The following DTNB variants were observed in gnomAD, a reference collection of about 807,000 sequenced individuals.
The protein encoded by DTNB is dystrobrevin beta.
In DTNB, 63 loss-of-function variants were observed where a neutral mutation model predicts 90.7. That is an observed-to-expected ratio of 0.69 (90% CI 0.57 to 0.86). DTNB has a LOEUF of 0.86. Ranked by LOEUF, DTNB falls within the 40% of genes least tolerant of loss-of-function variation. The pLI, the probability that DTNB is intolerant of heterozygous loss-of-function variation, is 0.00. For synonymous variants in DTNB, 277 were observed against 286.7 expected (o/e 0.97, Z 0.34); for missense variants, 744 against 807.1 (o/e 0.92, Z 0.95).
chr2:25,518,200 TA>T (rs1044370899), intron 9 of DTNB, among the ~76,000 whole-genome samples: 16 of 132,882 alleles, frequency 1.2e-4, no homozygotes, highest in South Asian at 4.5e-4. Flanking sequence ...AATTTTATAT[TA>T]TTTTTTTATC....
At position 25,434,515 on chromosome 2, in the gene DTNB, T is replaced by C. The variant is rs72849891; in HGVS notation, c.1258-520A>G. 2.8e-3 allele frequency among the ~76,000 whole-genome samples: 423 copies of C among 150,468 alleles called. 1 individual carries two copies. Among genetic ancestry groups the C allele is most frequent in the African/African-American group, 9.7e-3 (395 of 40,852 alleles). ...ACTCTTGAACTCCTGGGCTCTCACCTTGGCCTCTGAGTAGATGGGACTAAA... is the reference window on the plus strand; with the variant it reads ...ACTCTTGAACTCCTGGGCTCTCACCCTGGCCTCTGAGTAGATGGGACTAAA... On this transcript the variant is annotated intron_variant, in intron 12 of 20. Transcript: ENST00000406818.
chr2:25,655,121 G>A (rs1308214289), intron 1 of DTNB, among the ~76,000 whole-genome samples: 1 of 152,212 alleles, frequency 6.6e-6, no homozygotes, highest in Non-Finnish European at 1.5e-5. Flanking sequence ...TTCTTTGCCT[G>A]AAGACAGACT....
At chr2:25,541,128 G>A (rs1310125379) in intron 8 of DTNB, among the ~76,000 whole-genome samples, 1 of 151,744 alleles carries the variant, frequency 6.6e-6, no homozygotes, top group Non-Finnish European at 1.5e-5. Flanking sequence ...ACAAGGTTGA[G>A]GCAAGTTCTA....
At chr2:25,472,782 G>A (rs1234531040) in intron 10 of DTNB, among the ~76,000 whole-genome samples, 1 of 152,226 alleles carries the variant, frequency 6.6e-6, no homozygotes, top group Non-Finnish European at 1.5e-5. Flanking sequence ...TACTCAGGAG[G>A]ATGAGGCAGG....
At chr2:25,605,505 C>T (rs1354793316) in intron 5 of DTNB, among the ~76,000 whole-genome samples, 7 of 152,154 alleles carry the variant, frequency 4.6e-5, no homozygotes, top group Non-Finnish European at 1.0e-4. Flanking sequence ...AGTTATAACG[C>T]AGAACTGGAG....
intron 4 of DTNB, among the ~76,000 whole-genome samples, chr2:25,615,695 G>C (rs1230703799): frequency 6.6e-6 from 1 of 152,082 alleles, no homozygotes; most frequent in South Asian, 2.1e-4. Context: ...AAATTACAAG[G>C]GTCTCAGGGG....
At chr2:25,507,353 C>A (rs1386024115) in intron 9 of DTNB, among the ~76,000 whole-genome samples, 2 of 152,158 alleles carry the variant, frequency 1.3e-5, no homozygotes, top group African/African-American at 4.8e-5. Flanking sequence ...GTTACACACC[C>A]CCACTCCAGA....
chr2:25,500,425 C>T (rs2070286453), intron 9 of DTNB, among the ~76,000 whole-genome samples: 1 of 152,194 alleles, frequency 6.6e-6, no homozygotes, highest in African/African-American at 2.4e-5. Flanking sequence ...CAGCGCTCCT[C>T]ATGCGTACTA....
At chr2:25,556,229 C>G (rs1326059402) in intron 8 of DTNB, among the ~76,000 whole-genome samples, 1 of 126,252 alleles carries the variant, frequency 7.9e-6, no homozygotes, top group Admixed American at 8.9e-5. Context: ...CTCTATGATA[C>G]TCTCCTACAA....
intron 16 of DTNB, among the ~76,000 whole-genome samples, chr2:25,402,549 T>C (rs2044000969): frequency 8.1e-6 from 1 of 123,134 alleles, no homozygotes; most frequent in East Asian, 3.0e-4. Context: ...AAGAGTTTTA[T>C]GAAGTCTCTC....
chr2:25,605,681 T>C (rs1474124706), intron 5 of DTNB, among the ~76,000 whole-genome samples: 2 of 152,212 alleles, frequency 1.3e-5, no homozygotes, highest in Non-Finnish European at 2.9e-5. Flanking sequence ...TTTCTACTAC[T>C]GTATTTTTCA....
At chr2:25,410,604 G>A (rs990498912) in intron 16 of DTNB, among the ~76,000 whole-genome samples, 10 of 152,250 alleles carry the variant, frequency 6.6e-5, no homozygotes, top group South Asian at 4.1e-4. Context: ...AAAATAACTC[G>A]GGGAAGTCTG....
At chr2:25,439,273 G>A (rs965954357) in intron 12 of DTNB, among the ~76,000 whole-genome samples, 5 of 152,168 alleles carry the variant, frequency 3.3e-5, no homozygotes, top group African/African-American at 1.2e-4. Flanking sequence ...GACAGAGGTG[G>A]GAGGTCATTT....
In DTNB at chr2:25,613,278, C is replaced by T. The variant is rs1004007043; in HGVS notation, c.363-5957G>A. 3.9e-5 allele frequency among the ~76,000 whole-genome samples: 6 copies of T among 152,018 alleles called. No individual in the cohort carries two copies. In the East Asian group the frequency reaches 9.7e-4, roughly 24 times the overall value. ...TTTTATTTTAGATTGAGGGAATACA[C>T]GTGCAGGTTTATTACATGCGTATAT... On this transcript the variant is annotated intron_variant, in intron 4 of 20. Coordinates refer to ENST00000406818, the MANE Select transcript of DTNB (RefSeq NM_021907.5).
intron 10 of DTNB, among the ~76,000 whole-genome samples, chr2:25,477,572 G>A (rs1362160213): frequency 6.6e-6 from 1 of 152,100 alleles, no homozygotes; most frequent in East Asian, 1.9e-4. Context: ...ATGGTATTAT[G>A]TCCCAAGTCA....
intron 10 of DTNB, among the ~76,000 whole-genome samples, chr2:25,464,443 G>C (rs1395733163): frequency 6.6e-6 from 1 of 152,164 alleles, no homozygotes; most frequent in Non-Finnish European, 1.5e-5. Context: ...AATAAATAAT[G>C]TATTAAACAG....
chr2:25,607,991 C>A (rs2067509939), intron 4 of DTNB, among the ~76,000 whole-genome samples: 1 of 152,142 alleles, frequency 6.6e-6, no homozygotes, highest in Non-Finnish European at 1.5e-5. Flanking sequence ...ATGCTGCACA[C>A]CACCAGCAGA....
intron 3 of DTNB, among the ~76,000 whole-genome samples, chr2:25,633,542 G>C (rs559474612): frequency 2.6e-5 from 4 of 152,124 alleles, no homozygotes; most frequent in African/African-American, 9.6e-5. Flanking sequence ...CGCCTGCCTT[G>C]GCCCCCCAAA....
intron 1 of DTNB, among the ~76,000 whole-genome samples, chr2:25,671,323 A>T (rs1020048368): frequency 1.3e-5 from 2 of 152,198 alleles, no homozygotes; most frequent in Non-Finnish European, 2.9e-5. Context: ...CGCACACGGG[A>T]AATCTGTGCA....
Sources: allele counts gnomAD v4.1 joint callset (sites outside exome capture counted in the v4.1 genomes callset), GRCh38; gene constraint gnomAD v4.1.1; transcripts MANE v1.5; gene names NCBI Gene and HGNC (gene_info 2026-07-23, HGNC 2026-07-21).